SULF2: variants seen among roughly 807,000 people sequenced by gnomAD.
SULF2 encodes sulfatase 2.
SULF2 carries 52 observed loss-of-function variants against 107.7 expected under a neutral mutation model. That is an observed-to-expected ratio of 0.48 (90% CI 0.39 to 0.61). The LOEUF (loss-of-function observed/expected upper bound fraction) is 0.61, where lower values mean the gene tolerates loss of function less well. Among genes scored for constraint, SULF2 ranks in the 20% least tolerant of loss-of-function variants. SULF2 has a pLI of 0.00. For synonymous variants in SULF2, 460 were observed against 464.3 expected, an observed-to-expected ratio of 0.99 and a Z score of 0.12; for missense variants, 993 against 1,177.3, an observed-to-expected ratio of 0.84 and a Z score of 2.29.
chr20:47,744,924 AAATG>A (rs2089971853), intron 2 of SULF2, among the ~76,000 whole-genome samples: 1 of 152,188 alleles, frequency 6.6e-6, no homozygotes, highest in Non-Finnish European at 1.5e-5. Flanking sequence ...CAGCTGCTAC[AAATG>A]AATATGTGTG....
chr20:47,764,022 C>T (rs1436712312), intron 1 of SULF2, among the ~76,000 whole-genome samples: 3 of 152,220 alleles, frequency 2.0e-5, no homozygotes, highest in South Asian at 4.1e-4. Flanking sequence ...TCCAGCCACA[C>T]GGTCTCTGTA....
intron 7 of SULF2, among the ~76,000 whole-genome samples, chr20:47,681,412 T>C (rs2087818786): frequency 6.6e-6 from 1 of 152,170 alleles, no homozygotes; most frequent in African/African-American, 2.4e-5. Context: ...TTTTGGGCCC[T>C]ATGAGTCAGA....
chr20:47,666,462 G>T lies in SULF2; in HGVS notation c.1603C>A (p.Arg535Ser). The change falls in exon 12 of 21, where the codon CGC becomes AGC. Residue 535 changes from arginine to serine, a missense_variant. Coordinates refer to ENST00000688720, the MANE Select transcript of SULF2 (RefSeq NM_001387048.1). The surrounding 1 kb of genome is among the most constrained non-coding windows in gnomAD (Gnocchi z 5.4). ...KKYKASYVRS[R>S]SIRSVAIEVD... Reference sequence around the variant, plus strand: ...TCGATGGCCACTGAGCGGATGGAGCGACTGCGGACATAGCTGGCCTTGTAC... The same window carrying T: ...TCGATGGCCACTGAGCGGATGGAGCTACTGCGGACATAGCTGGCCTTGTAC... 1 of 1,613,538 alleles carries T rather than the reference G, an allele frequency of 6.2e-7. No homozygotes were observed. The highest frequency in any genetic ancestry group is 8.5e-7 in the Non-Finnish European group (1 of 1,180,026).
intron 6 of SULF2, among the ~76,000 whole-genome samples, 183 bp from the exon 7 acceptor site, chr20:47,683,352 C>T (rs1036756926): frequency 5.3e-5 from 8 of 152,192 alleles, no homozygotes; most frequent in South Asian, 2.1e-4. Flanking sequence ...ACCCCTGGCC[C>T]GCCCTCCCCT....
intron 4 of SULF2, among the ~76,000 whole-genome samples, chr20:47,695,489 A>C (rs1461150729): frequency 2.0e-5 from 3 of 152,148 alleles, no homozygotes; most frequent in Middle Eastern, 3.4e-3. Context: ...TTTTGCTGCT[A>C]TTGTCTGACT....
rs530752240 is a variant in SULF2 at position 47,756,909 on chromosome 20, G to T, written c.175+280C>A. 3.5e-4 allele frequency among the ~76,000 whole-genome samples: 53 copies of T among 152,152 alleles called. 1 individual carries two copies. Among genetic ancestry groups the T allele is most frequent in the African/African-American group, 1.1e-3 (45 of 41,442 alleles). ...GATCCACCTGCCTCGGCCTCCCAAC[G>T]TGCTGGGATTACAAGCATGAGCCAT... On this transcript the variant is annotated intron_variant, in intron 2 of 20. Coordinates refer to ENST00000688720, the MANE Select transcript of SULF2 (RefSeq NM_001387048.1).
intron 3 of SULF2, among the ~76,000 whole-genome samples, chr20:47,728,229 G>A (rs562982906): frequency 1.1e-4 from 16 of 152,254 alleles, no homozygotes; most frequent in South Asian, 6.2e-4. Context: ...GCGTGCGTGC[G>A]TGCACACTTG....
chr20:47,753,364 A>T (rs562597740), intron 2 of SULF2, among the ~76,000 whole-genome samples: 1 of 152,330 alleles, frequency 6.6e-6, no homozygotes, highest in South Asian at 2.1e-4. Context: ...CAAAAGCTTG[A>T]GAAAGTTCTT....
intron 3 of SULF2, among the ~76,000 whole-genome samples, chr20:47,706,032 C>A (rs894516710): frequency 1.3e-5 from 2 of 152,034 alleles, no homozygotes; most frequent in African/African-American, 2.4e-5. Flanking sequence ...CTCCTGACCT[C>A]AAGTGATCCA....
At chr20:47,679,172 G>A (rs1410541034) in intron 7 of SULF2, among the ~76,000 whole-genome samples, 1 of 152,030 alleles carries the variant, frequency 6.6e-6, no homozygotes, top group Non-Finnish European at 1.5e-5. Context: ...GGCAGACACT[G>A]GCTCCTCGCT....
intron 2 of SULF2, among the ~76,000 whole-genome samples, chr20:47,742,282 C>T (rs971967975): frequency 3.3e-5 from 5 of 152,244 alleles, no homozygotes; most frequent in Admixed American, 2.0e-4. Context: ...CTGAACGACA[C>T]GGCCACACAG....
At chr20:47,696,802 G>A (rs2088394039) in intron 4 of SULF2, among the ~76,000 whole-genome samples, 1 of 152,140 alleles carries the variant, frequency 6.6e-6, no homozygotes, top group African/African-American at 2.4e-5. Context: ...CTGCCTGATG[G>A]GCTCAGGACA....
At chr20:47,720,161 G>A (rs1467551758) in intron 3 of SULF2, among the ~76,000 whole-genome samples, 3 of 152,126 alleles carry the variant, frequency 2.0e-5, no homozygotes, top group Non-Finnish European at 4.4e-5. Context: ...CACGGTGTTA[G>A]CCAGGATGGT....
intron 5 of SULF2, chr20:47,684,821 G>A (rs2087945891): frequency 7.6e-6 from 3 of 397,112 alleles, no homozygotes; most frequent in Non-Finnish European, 1.3e-5. Context: ...ACAGCATTCA[G>A]TGACCTTGAG....
Position 47,666,134 on chromosome 20 carries a change from C to T in SULF2, c.1805+126G>A, listed in dbSNP as rs774975003. ...TTGGCGGCTGAATAGTCGGGAAGGC[C>T]TCCAGTGCCACTGAAGTCCCCACCA... On this transcript the variant is annotated intron_variant, in intron 12 of 20. Transcript: ENST00000688720. The surrounding 1 kb of genome is among the most constrained non-coding windows in gnomAD (Gnocchi z 5.4). 10 of 1,611,914 alleles carry T rather than the reference C, an allele frequency of 6.2e-6. No homozygotes were observed. The highest frequency in any genetic ancestry group is 5.0e-5 in the Admixed American group (3 of 59,784).
intron 3 of SULF2, among the ~76,000 whole-genome samples, chr20:47,717,133 T>C (rs2089147067): frequency 1.3e-5 from 2 of 152,186 alleles, no homozygotes; most frequent in South Asian, 4.1e-4. Context: ...AAAATGACGG[T>C]AAAAAGGTAA....
At position 47,666,527 on chromosome 20, in the gene SULF2, G is replaced by A. The variant is rs1389557450; in HGVS notation, c.1577-39C>T. 54 of 1,558,964 alleles carry A rather than the reference G, an allele frequency of 3.5e-5. No individual in the cohort carries two copies. The highest frequency in any genetic ancestry group is 4.7e-5 in the Non-Finnish European group (54 of 1,140,514). On this transcript the variant is annotated intron_variant, in intron 11 of 20. Transcript: ENST00000688720. This position sits in a 1 kb window ranked among gnomAD's most constrained non-coding sequence, Gnocchi z 5.4. ...AGGAGTGGCAGAGTTAGGGAGGCAG[G>A]AAAGGCTGGCCAGGCTCCCAGGGCA...
intron 1 of SULF2, among the ~76,000 whole-genome samples, chr20:47,767,655 G>A (rs1386714039): frequency 1.3e-5 from 2 of 152,166 alleles, no homozygotes; most frequent in Non-Finnish European, 2.9e-5. Context: ...CATGCCTGTA[G>A]TCCTAGCTAC....
chr20:47,679,959 G>A (rs1396594028), intron 7 of SULF2, among the ~76,000 whole-genome samples: 1 of 147,954 alleles, frequency 6.8e-6, no homozygotes, highest in Non-Finnish European at 1.5e-5. Context: ...CTGGCTTATT[G>A]TCTATTGCCC....
Sources: gnomAD v4.1 joint callset for allele counts (sites outside exome capture counted in the v4.1 genomes callset) on GRCh38, gnomAD v4.1.1 for gene constraint, Gnocchi (gnomAD v3.1) non-coding constraint, MANE v1.5 for transcripts, NCBI Gene and HGNC (gene_info 2026-07-23, HGNC 2026-07-21) for gene names.